CDKN2B-AS1: variants seen among roughly 807,000 people sequenced by gnomAD.
The protein encoded by CDKN2B-AS1 is CDKN2B antisense RNA 1 (non-protein coding).
intron 4 of CDKN2B-AS1, among the ~76,000 whole-genome samples, chr9:22,064,625 G>C (rs1240120620): frequency 6.6e-6 from 1 of 152,140 alleles, no homozygotes; most frequent in South Asian, 2.1e-4. Flanking sequence ...AGATATCTGA[G>C]GGTCTGAGGG....
chr9:22,058,343 A>G (rs1270350499), intron 4 of CDKN2B-AS1: 2 of 152,132 alleles, frequency 1.3e-5, no homozygotes, highest in African/African-American at 4.8e-5. Context: ...TTTCCCTTAC[A>G]TTCATTTCTT....
At chr9:22,124,368 C>A (rs1430489685) in intron 4 of CDKN2B-AS1, among the ~76,000 whole-genome samples, 1 of 152,060 alleles carries the variant, frequency 6.6e-6, no homozygotes, top group Non-Finnish European at 1.5e-5. Flanking sequence ...AACAAACAGC[C>A]AATTTGTGGA....
intron 4 of CDKN2B-AS1, among the ~76,000 whole-genome samples, chr9:22,063,760 G>A (rs755505394): frequency 2.0e-5 from 3 of 152,174 alleles, no homozygotes; most frequent in Non-Finnish European, 4.4e-5. Context: ...GTGAGGAAAC[G>A]AAGACCCCGG....
chr9:22,004,918 G>A (rs1821089761), intron 1 of CDKN2B-AS1: 2 of 233,150 alleles, frequency 8.6e-6, no homozygotes, highest in South Asian at 1.8e-4. Flanking sequence ...CAATCTAGGC[G>A]TTTGCACTGA....
intron 1 of CDKN2B-AS1, among the ~76,000 whole-genome samples, chr9:22,042,469 A>T (rs564199295): frequency 6.6e-6 from 1 of 152,098 alleles, no homozygotes; most frequent in Non-Finnish European, 1.5e-5. Flanking sequence ...TGGCATAGAA[A>T]TGTATTTATG....
At chr9:22,058,458 T>G (rs1823668374) in intron 4 of CDKN2B-AS1, 1 of 152,246 alleles carries the variant, frequency 6.6e-6, no homozygotes, top group African/African-American at 2.4e-5. Flanking sequence ...TAGAAACATT[T>G]TCTAGCAGAA....
intron 4 of CDKN2B-AS1, among the ~76,000 whole-genome samples, chr9:22,101,839 G>A (rs1825495859): frequency 6.6e-6 from 1 of 152,174 alleles, no homozygotes; most frequent in African/African-American, 2.4e-5. Flanking sequence ...TACCAAGGAT[G>A]GGCAGAGCTT....
At chr9:22,038,247 G>A (rs1822767308) in intron 1 of CDKN2B-AS1, among the ~76,000 whole-genome samples, 1 of 151,756 alleles carries the variant, frequency 6.6e-6, no homozygotes, top group Non-Finnish European at 1.5e-5. Context: ...GACAGGAAAT[G>A]TGAAACACTG....
intron 4 of CDKN2B-AS1, among the ~76,000 whole-genome samples, chr9:22,094,493 A>C (rs1174468281): frequency 6.9e-6 from 1 of 144,174 alleles, no homozygotes; most frequent in Non-Finnish European, 1.5e-5. Flanking sequence ...ATAGTCCCAT[A>C]TTTCTTGGAG....
chr9:22,064,785 G>A (rs1587480930), intron 4 of CDKN2B-AS1, among the ~76,000 whole-genome samples: 1 of 152,080 alleles, frequency 6.6e-6, no homozygotes, highest in African/African-American at 2.4e-5. Flanking sequence ...GAGCTGAGTG[G>A]CCAAACACAC....
At chr9:22,030,893 C>T (rs1008542755) in intron 1 of CDKN2B-AS1, 1 of 152,056 alleles carries the variant, frequency 6.6e-6, no homozygotes, top group African/African-American at 2.4e-5. Context: ...GGGATGGATT[C>T]TTGTGGACAA....
Position 22,039,154 on chromosome 9 carries a change from T to C in CDKN2B-AS1, n.30-7597T>C, listed in dbSNP as rs568171022. On this transcript the variant is annotated intron_variant and non_coding_transcript_variant, in intron 1 of 4. Coordinates refer to ENST00000650946, the Ensembl canonical transcript of CDKN2B-AS1. This position sits in a 1 kb window ranked among gnomAD's most constrained non-coding sequence, Gnocchi z 4.4. ...AATGACAAAAACTTAAAATGACATC[T>C]AATTTTTTAAGGCCAAGAATCATTA... is the stretch of plus-strand genomic sequence containing the variant. Among the ~76,000 whole-genome samples, 2 of 152,154 alleles carry C rather than the reference T, an allele frequency of 1.3e-5. No homozygotes were observed. Among genetic ancestry groups the C allele is most frequent in the East Asian group, 3.9e-4 (2 of 5,170 alleles).
chr9:22,120,345 G>A (rs990246412), intron 4 of CDKN2B-AS1: 1 of 152,282 alleles, frequency 6.6e-6, no homozygotes, highest in African/African-American at 2.4e-5. Flanking sequence ...CAGATTAAAT[G>A]ATTTTTAAAT....
At chr9:22,014,466 G>A (rs923629251) in intron 1 of CDKN2B-AS1, among the ~76,000 whole-genome samples, 4 of 151,832 alleles carry the variant, frequency 2.6e-5, no homozygotes, top group Non-Finnish European at 5.9e-5. Flanking sequence ...TGCCTGGCCT[G>A]GAATATTTCT....
chr9:22,076,975 A>G (rs965861171), intron 4 of CDKN2B-AS1, among the ~76,000 whole-genome samples: 1 of 152,134 alleles, frequency 6.6e-6, no homozygotes, highest in Non-Finnish European at 1.5e-5. Flanking sequence ...ATGAGCCATC[A>G]TGCCTGGCCT....
chr9:22,080,922 T>C (rs781144912), intron 4 of CDKN2B-AS1, among the ~76,000 whole-genome samples: 1 of 152,196 alleles, frequency 6.6e-6, no homozygotes, highest in Non-Finnish European at 1.5e-5. Flanking sequence ...TATTTTGTGT[T>C]TTTTTGCATG....
chr9:22,077,041 G>A (rs1327730522), intron 4 of CDKN2B-AS1, among the ~76,000 whole-genome samples: 1 of 152,096 alleles, frequency 6.6e-6, no homozygotes, highest in Non-Finnish European at 1.5e-5. Flanking sequence ...CTTCAGACTT[G>A]TTCATCCTAC....
At chr9:22,034,066 T>C (rs1203589933) in intron 1 of CDKN2B-AS1, among the ~76,000 whole-genome samples, 1 of 152,194 alleles carries the variant, frequency 6.6e-6, no homozygotes, top group Non-Finnish European at 1.5e-5. Context: ...TTAATGAATA[T>C]ATGAAAGATG....
chr9:22,023,887 A>G (rs571268277), intron 1 of CDKN2B-AS1, among the ~76,000 whole-genome samples: 2 of 152,182 alleles, frequency 1.3e-5, no homozygotes, highest in South Asian at 2.1e-4. Context: ...ACATACTCCT[A>G]TAACTCTGCG....
Sources: gnomAD v4.1 joint callset for allele counts (sites outside exome capture counted in the v4.1 genomes callset) on GRCh38, gnomAD v4.1.1 for gene constraint, Gnocchi (gnomAD v3.1) non-coding constraint, MANE v1.5 for transcripts, NCBI Gene and HGNC (gene_info 2026-07-23, HGNC 2026-07-21) for gene names.